FZD3: variants seen among roughly 807,000 people sequenced by gnomAD.
The protein encoded by FZD3 is frizzled-3.
A neutral mutation model predicts 60.7 loss-of-function variants in FZD3; 30 were observed. The observed-to-expected ratio is 0.49, with a 90% confidence interval of 0.37 to 0.67. FZD3 has a LOEUF of 0.67. Ranked by LOEUF, FZD3 falls within the 30% of genes least tolerant of loss-of-function variation. FZD3 has a pLI of 0.00. For missense variants in FZD3, 605 were observed against 838.7 expected, an observed-to-expected ratio of 0.72 and a Z score of 3.44; for synonymous variants, 246 against 275.2, an observed-to-expected ratio of 0.89 and a Z score of 1.05.
intron 5 of FZD3, among the ~76,000 whole-genome samples, chr8:28,547,401 CTG>C (rs1805320614): frequency 6.6e-6 from 1 of 152,174 alleles, no homozygotes; most frequent in Non-Finnish European, 1.5e-5. Context: ...ATAAATATAT[CTG>C]TAGCATACAT....
chr8:28,498,864 C>T (rs192756394), intron 1 of FZD3, among the ~76,000 whole-genome samples: 1 of 152,300 alleles, frequency 6.6e-6, no homozygotes, highest in Admixed American at 6.5e-5. Flanking sequence ...TGTGCCCAGC[C>T]AGGAATGTTT....
In FZD3 at chr8:28,563,672, T is replaced by C. The variant is rs979096121; in HGVS notation, c.*661T>C. On this transcript the variant is annotated 3_prime_UTR_variant, in exon 8 of 8. Coordinates refer to ENST00000240093, the MANE Select transcript of FZD3 (RefSeq NM_017412.4). ...AGCAGTGGAATAAAGAGATGGGCAT[T>C]GTTTCCCCTATAATTGTGCTGTTTT... 5 of 152,254 alleles carry C rather than the reference T, an allele frequency of 3.3e-5. No individual in the cohort carries two copies. The highest frequency in any genetic ancestry group is 1.2e-4 in the African/African-American group (5 of 41,452). The allele number at this position is 152,254 out of a possible 1,614,324, so 9.4% of individuals were successfully genotyped here. A position where few individuals can be genotyped will look rare whatever the true frequency, so the allele number is the denominator to read the frequency against.
intron 6 of FZD3, among the ~76,000 whole-genome samples, chr8:28,552,059 T>A (rs1166172170): frequency 6.6e-6 from 1 of 152,258 alleles, no homozygotes; most frequent in Non-Finnish European, 1.5e-5. Flanking sequence ...TTAATGCTTT[T>A]CTCTACATTC....
rs1215936554 is a variant in FZD3 at position 28,567,877 on chromosome 8, A to G, written c.*4866A>G. 1.3e-5 allele frequency: 2 copies of G among 152,188 alleles called. No homozygotes were observed. Among genetic ancestry groups the G allele is most frequent in the Non-Finnish European group, 2.9e-5 (2 of 68,026 alleles). 9.4% of individuals were successfully genotyped at this position (152,188 alleles called of 1,614,324 possible). A position where few individuals can be genotyped will look rare whatever the true frequency, so the allele number is the denominator to read the frequency against. ...CTTTTATATGAAATTGTATAAGTACATTAGCTTGACTTAAATTATAAAAAA... is the reference window on the plus strand; with the variant it reads ...CTTTTATATGAAATTGTATAAGTACGTTAGCTTGACTTAAATTATAAAAAA... On this transcript the variant is annotated 3_prime_UTR_variant, in exon 8 of 8. Transcript: ENST00000240093.
chr8:28,498,421 T>C (rs893077494), intron 1 of FZD3, among the ~76,000 whole-genome samples: 12 of 152,202 alleles, frequency 7.9e-5, no homozygotes, highest in Non-Finnish European at 1.8e-4. Context: ...GAATCTTTGC[T>C]ATGTCCTGCA....
intron 3 of FZD3, among the ~76,000 whole-genome samples, chr8:28,510,779 A>G (rs1415040792): frequency 6.6e-6 from 1 of 151,714 alleles, no homozygotes; most frequent in Non-Finnish European, 1.5e-5. Context: ...GCTCAGGCCT[A>G]TAATCTGAGC....
chr8:28,509,559 A>G (rs1804230413), intron 3 of FZD3, among the ~76,000 whole-genome samples: 1 of 151,900 alleles, frequency 6.6e-6, no homozygotes, highest in South Asian at 2.1e-4. Context: ...TCCAGAATTG[A>G]AAATCTACAC....
intron 4 of FZD3, among the ~76,000 whole-genome samples, chr8:28,526,058 G>T (rs1049731412): frequency 6.6e-6 from 1 of 151,462 alleles, no homozygotes; most frequent in Non-Finnish European, 1.5e-5. Flanking sequence ...GAAGATTGAG[G>T]TGCCTATTAG....
At position 28,555,789 on chromosome 8, in the gene FZD3, T is replaced by C. The variant is rs1304011193; in HGVS notation, c.1605T>C (p.Ser535=). Reference sequence around the variant, plus strand: ...TCCAGGAACCTGATTTTGCTCAGTCTCTCCTGAGGGATCCAAATACTCCTA... The same window carrying C: ...TCCAGGAACCTGATTTTGCTCAGTCCCTCCTGAGGGATCCAAATACTCCTA... ...QVLQEPDFAQ[S]LLRDPNTPII... is the part of the protein sequence containing the mutation. The change falls in exon 7 of 8, where the codon TCT becomes TCC. Residue 535 remains serine (S), a synonymous_variant. Transcript: ENST00000240093. 1.2e-6 allele frequency: 2 copies of C among 1,613,746 alleles called. No homozygotes were observed. Among genetic ancestry groups the C allele is most frequent in the African/African-American group, 2.7e-5 (2 of 74,922 alleles).
intron 1 of FZD3, among the ~76,000 whole-genome samples, chr8:28,497,565 T>C (rs566784514): frequency 6.6e-6 from 1 of 152,362 alleles, no homozygotes; most frequent in South Asian, 2.1e-4. Flanking sequence ...CTGTAGGCAC[T>C]GTGTAACCAG....
intron 3 of FZD3, among the ~76,000 whole-genome samples, chr8:28,519,083 T>G (rs2130343673): frequency 6.6e-6 from 1 of 152,330 alleles, no homozygotes; most frequent in Non-Finnish European, 1.5e-5. Flanking sequence ...TGACATCAGT[T>G]TCTATAAGTG....
chr8:28,514,985 C>G (rs989184530), intron 3 of FZD3, among the ~76,000 whole-genome samples: 1 of 152,180 alleles, frequency 6.6e-6, no homozygotes, highest in Admixed American at 6.5e-5. Context: ...TGCAAGGGCT[C>G]TGGATAAGAA....
chr8:28,533,817 A>G (rs1044435553), intron 5 of FZD3, among the ~76,000 whole-genome samples: 42 of 152,084 alleles, frequency 2.8e-4, no homozygotes, highest in African/African-American at 9.9e-4. Flanking sequence ...ATAATAATTC[A>G]GAGACTGTTC....
At position 28,527,219 on chromosome 8, in the gene FZD3, C is replaced by G; in HGVS notation, c.459C>G (p.Ala153=). ...TAGCTGGAGAACCAACTGAAGGAGC[C>G]CCAGTGGCAGTGCAGAGAGACTATG... ...LNLAGEPTEG[A]PVAVQRDYGF... The change falls in exon 5 of 8, where the codon GCC becomes GCG. Residue 153 remains alanine, a synonymous_variant. Transcript: ENST00000240093. The surrounding 1 kb of genome is among the most constrained non-coding windows in gnomAD (Gnocchi z 5.0). 2 of 1,613,648 alleles carry G rather than the reference C, an allele frequency of 1.2e-6. No homozygotes were observed. Among genetic ancestry groups the G allele is most frequent in the Non-Finnish European group, 1.7e-6 (2 of 1,179,708 alleles).
chr8:28,518,263 G>A (rs893808430), intron 3 of FZD3, among the ~76,000 whole-genome samples: 1 of 145,582 alleles, frequency 6.9e-6, no homozygotes, highest in African/African-American at 2.6e-5. Flanking sequence ...TTGCTGTTTT[G>A]CCCAGGCTGG....
rs562530540 is a variant in FZD3 at position 28,516,955 on chromosome 8, C to T, written c.190-3683C>T. On this transcript the variant is annotated intron_variant, in intron 3 of 7. Transcript: ENST00000240093. ...TTCTTCTGACGCTCCACCTTTTCCACTTTACTATAATGCATGTTAATTTTA... is the reference window on the plus strand; with the variant it reads ...TTCTTCTGACGCTCCACCTTTTCCATTTTACTATAATGCATGTTAATTTTA... Among the ~76,000 whole-genome samples the T allele has an allele frequency of 4.7e-4, 72 of 152,288 alleles. 1 individual carries two copies. The highest frequency in any genetic ancestry group is 1.4e-3 in the African/African-American group (60 of 41,586).
At chr8:28,542,554 C>A (rs1265746247) in intron 5 of FZD3, among the ~76,000 whole-genome samples, 1 of 152,174 alleles carries the variant, frequency 6.6e-6, no homozygotes. Context: ...AGGAGAATCG[C>A]TTGAACCCAG....
At chr8:28,557,471 ACTTTT>A (rs1290597714) in intron 7 of FZD3, among the ~76,000 whole-genome samples, 1 of 151,746 alleles carries the variant, frequency 6.6e-6, no homozygotes, top group Non-Finnish European at 1.5e-5. Flanking sequence ...GATTCTCTGT[ACTTTT>A]CTTTTTTAAT....
intron 3 of FZD3, among the ~76,000 whole-genome samples, chr8:28,515,316 GT>G (rs1804395916): frequency 6.6e-6 from 1 of 152,220 alleles, no homozygotes; most frequent in East Asian, 1.9e-4. Flanking sequence ...GTAAGGCAGA[GT>G]CTCGGGAGAC....
Sources: allele counts gnomAD v4.1 joint callset (sites outside exome capture counted in the v4.1 genomes callset), GRCh38; gene constraint gnomAD v4.1.1; non-coding constraint Gnocchi (gnomAD v3.1); transcripts MANE v1.5; gene names NCBI Gene and HGNC (gene_info 2026-07-23, HGNC 2026-07-21).